PRDM15: variants seen among roughly 807,000 people sequenced by gnomAD.
PRDM15 encodes the protein PR/SET domain 15.
Under a neutral mutation model 128.6 loss-of-function variants are expected in PRDM15, and 64 were observed. The observed-to-expected ratio is 0.50, with a 90% CI of 0.41 to 0.61. The LOEUF is 0.61. Among genes scored for constraint, PRDM15 ranks in the 20% least tolerant of loss-of-function variants. PRDM15 has a pLI of 0.00. For synonymous variants in PRDM15, 615 were observed against 621.8 expected (o/e 0.99, Z 0.16); for missense variants, 1,242 against 1,569.1 (o/e 0.79, Z 3.52).
Position 41,802,919 on chromosome 21 carries a change from A to C in PRDM15, c.2736T>G (p.Pro912=). Residue 912 remains proline (P), a splice_region_variant and synonymous_variant, in exon 23 of 24, where the codon CCT becomes CCG. Transcript: ENST00000398548. ...AATCCTCCTGCTCCAGAGTCAGCTC[A>C]GGCTGCAGAAAAATCGGTTTCAGCC... is the stretch of plus-strand genomic sequence containing the variant. The part of the protein sequence containing the change: ...IDASSIGIVQ[P]ELTLEQEDLA... 1 of 1,613,796 alleles carries C rather than the reference A, an allele frequency of 6.2e-7. No homozygotes were observed. The highest frequency in any genetic ancestry group is 1.3e-5 in the African/African-American group (1 of 75,042).
At chr21:41,855,864 TTTC>T (rs1303656994) in intron 4 of PRDM15, among the ~76,000 whole-genome samples, 3 of 152,148 alleles carry the variant, frequency 2.0e-5, no homozygotes, top group Non-Finnish European at 4.4e-5. Context: ...TTGTTACATA[TTTC>T]TTCAACTTAA....
At chr21:41,825,704 T>C (rs2062444914) in intron 13 of PRDM15, among the ~76,000 whole-genome samples, 1 of 152,210 alleles carries the variant, frequency 6.6e-6, no homozygotes, top group Non-Finnish European at 1.5e-5. Context: ...AGGAAAATCA[T>C]GGCAAAGAGG....
chr21:41,815,642 G>A (rs1259118462), intron 19 of PRDM15, 63 bp downstream of exon 19: 14 of 1,590,916 alleles, frequency 8.8e-6, no homozygotes, highest in Admixed American at 1.7e-5. Context: ...CTTCTCCCAC[G>A]GCCCACCTGG....
intron 18 of PRDM15, 38 bp downstream of exon 18, chr21:41,819,544 G>A: frequency 1.9e-6 from 3 of 1,596,682 alleles, no homozygotes; most frequent in Non-Finnish European, 2.6e-6. Context: ...AGGGTGGCCT[G>A]GCTGAGCCTG....
At chr21:41,802,105 C>G (rs9637285) in intron 23 of PRDM15, among the ~76,000 whole-genome samples, 41,808 of 152,034 alleles carry the variant, frequency 0.27, 5,964 homozygotes, top group East Asian at 0.41. Flanking sequence ...GTACCAATCG[C>G]TAATAAGAGA....
intron 6 of PRDM15, among the ~76,000 whole-genome samples, chr21:41,843,950 T>TA (rs1555883669): frequency 0.16 from 19,727 of 122,610 alleles, 1,578 homozygotes; most frequent in East Asian, 0.3. Context: ...CCTTGTATTG[T>TA]AAAAAAAAAA....
chr21:41,873,821 G>T lies in PRDM15; in HGVS notation c.-10+5449C>A, dbSNP rs779812615. Among the ~76,000 whole-genome samples, 25 of 152,262 alleles carry T rather than the reference G, an allele frequency of 1.6e-4. No individual in the cohort carries two copies. In the South Asian group the frequency reaches 1.9e-3, roughly 11 times the overall value. On this transcript the variant is annotated intron_variant, in intron 1 of 23. Coordinates refer to ENST00000398548, the MANE Select transcript of PRDM15 (RefSeq NM_001040424.3). ...GCACTTTGGGGGGCCAAGGTGGGAG[G>T]ATTGCTGAAGCCCAGGAATTTTGAG...
chr21:41,814,612 A>G (rs1379663216), intron 19 of PRDM15: 2 of 134,106 alleles, frequency 1.5e-5, no homozygotes, highest in African/African-American at 2.9e-5. Flanking sequence ...CTGATTGCGC[A>G]GGGTGCTCTA....
At chr21:41,858,024 G>C (rs77550383) in intron 3 of PRDM15, among the ~76,000 whole-genome samples, 2,434 of 152,310 alleles carry the variant, frequency 0.016, 68 homozygotes, top group African/African-American at 0.055. Flanking sequence ...GACAGAACAG[G>C]GTCAGACTGG....
Position 41,801,493 on chromosome 21 carries a change from T to C in PRDM15, c.3173A>G (p.Gln1058Arg). ...CTGGGGGTGGATCTGGACGTCATTT[T>C]GGCGGTTGTGCAACATGGCAGAGCC... Reference protein sequence around the residue: ...VSGSAMLHNRQNDVQIHPQPE... With the variant: ...VSGSAMLHNRRNDVQIHPQPE... The change falls in exon 24 of 24, where the codon CAA becomes CGA. Residue 1058 changes from glutamine to arginine, a missense_variant. Gln to Arg is a conservative substitution (Grantham distance 43). Transcript: ENST00000398548. The C allele has an allele frequency of 6.2e-7, 1 of 1,614,216 alleles. No homozygotes were observed. The highest frequency in any genetic ancestry group is 8.5e-7 in the Non-Finnish European group (1 of 1,180,036).
chr21:41,826,152 G>A, intron 12 of PRDM15, 98 bp from the exon 13 acceptor site: 1 of 955,520 alleles, frequency 1.0e-6, no homozygotes, highest in South Asian at 1.4e-5. Flanking sequence ...CCAGCGCACG[G>A]GAGGACAGGG....
chr21:41,834,731 G>A (rs62214695), intron 11 of PRDM15, among the ~76,000 whole-genome samples: 8,375 of 152,284 alleles, frequency 0.055, 312 homozygotes, highest in Non-Finnish European at 0.082. Flanking sequence ...GGGCGTCCTC[G>A]GGCCACGTGG....
chr21:41,804,573 C>T lies in PRDM15; in HGVS notation c.2694G>A (p.Glu898=). 6.4e-7 allele frequency: 1 copy of T among 1,572,012 alleles called. No individual in the cohort carries two copies. ...TGGAGGAGGCGTCGATGGTGGTGGT[C>T]TCCGGGAGGTGGTCCAGGTCATCGA... The part of the protein sequence containing the change: ...VRIDDLDHLP[E]TTTIDASSIG... The change falls in exon 22 of 24, where the codon GAG becomes GAA. Residue 898 remains glutamate (E), a synonymous_variant. Coordinates refer to ENST00000398548, the MANE Select transcript of PRDM15 (RefSeq NM_001040424.3).
In PRDM15 at chr21:41,857,225, T is replaced by C; in HGVS notation, c.236A>G (p.Glu79Gly). 1 of 1,613,772 alleles carries C rather than the reference T, an allele frequency of 6.2e-7. No individual in the cohort carries two copies. Among genetic ancestry groups the C allele is most frequent in the South Asian group, 1.1e-5 (1 of 91,066 alleles). Residue 79 changes from glutamate to glycine, a missense_variant, in exon 4 of 24, where the codon GAG becomes GGG. This residue lies in a region of PRDM15 where 612 missense variants were observed against 717.0 expected (regional missense o/e 0.85). Transcript: ENST00000398548. ...LVKRTQFGPF[E>G]SRRVAKWEKE... ...TTCCCATTTGGCGACCCTCCTGGACTCAAAGGGACCGAACTGTGTCCGCTT... is the reference window on the plus strand; with the variant it reads ...TTCCCATTTGGCGACCCTCCTGGACCCAAAGGGACCGAACTGTGTCCGCTT...
At chr21:41,839,452 C>T (rs530772924) in intron 7 of PRDM15, among the ~76,000 whole-genome samples, 171 bp downstream of exon 7, 4 of 152,338 alleles carry the variant, frequency 2.6e-5, no homozygotes, top group African/African-American at 7.2e-5. Flanking sequence ...GGAAATTGTA[C>T]TTTACTAGAG....
chr21:41,867,507 G>A (rs4919977), intron 1 of PRDM15: 48,356 of 674,920 alleles, frequency 0.072, 2,179 homozygotes, highest in Middle Eastern at 0.12. Context: ...TCACAGGCGT[G>A]AACATAGCGC....
rs185411572 is a variant in PRDM15, at chr21:41,866,289, G to A, written c.-9-5917C>T. ...GTCAGATTAGCACTAAGATCTGGAG[G>A]AGAAATTTTACATGTTCCATATAAA... On this transcript the variant is annotated intron_variant, in intron 1 of 23. Transcript: ENST00000398548. Among the ~76,000 whole-genome samples, 3 of 152,356 alleles carry A rather than the reference G, an allele frequency of 2.0e-5. No homozygotes were observed. The East Asian group carries it at 5.8e-4, about 29-fold the overall frequency.
chr21:41,832,998 G>A lies in PRDM15; in HGVS notation c.1366+2439C>T, dbSNP rs77244522. Among the ~76,000 whole-genome samples, 3,097 of 152,202 alleles carry A rather than the reference G, an allele frequency of 0.02. 119 individuals are homozygous for A. Among genetic ancestry groups the A allele is most frequent in the African/African-American group, 0.07 (2,897 of 41,512 alleles). ...ATGCTTCTCCCTCCAATAACCCTGCGCCGAGGGGATCTAGGTTTATGTCTG... is the reference window on the plus strand; with the variant it reads ...ATGCTTCTCCCTCCAATAACCCTGCACCGAGGGGATCTAGGTTTATGTCTG... On this transcript the variant is annotated intron_variant, in intron 11 of 23. Transcript: ENST00000398548. The surrounding 1 kb of genome is among the most constrained non-coding windows in gnomAD (Gnocchi z 4.2).
chr21:41,837,150 C>T lies in PRDM15; in HGVS notation c.1002-501G>A, dbSNP rs529976500. Among the ~76,000 whole-genome samples, 8 of 152,164 alleles carry T rather than the reference C, an allele frequency of 5.3e-5. No individual in the cohort carries two copies. The East Asian group carries it at 7.7e-4, about 15-fold the overall frequency. On this transcript the variant is annotated intron_variant, in intron 8 of 23. Transcript: ENST00000398548. The stretch of plus-strand genomic sequence containing the variant: ...CTTTTGCCAACTATAAGAGGTGATC[C>T]GAAAAGGGCCAAAAAGAAGTGACCA...
Sources: gnomAD v4.1 joint callset for allele counts (sites outside exome capture counted in the v4.1 genomes callset) on GRCh38, gnomAD v4.1.1 for gene constraint, gnomAD v4.1.1 regional missense constraint, Gnocchi (gnomAD v3.1) non-coding constraint, MANE v1.5 for transcripts, NCBI Gene and HGNC (gene_info 2026-07-23, HGNC 2026-07-21) for gene names.